GALNT13: variants seen among roughly 807,000 people sequenced by gnomAD.
GALNT13 encodes UDP-GalNAc:polypeptide N-acetylgalactosaminyltransferase 13.
A neutral mutation model predicts 64.2 loss-of-function variants in GALNT13; 28 were observed. The observed-to-expected ratio is 0.44, with a 90% CI of 0.32 to 0.60. The LOEUF is 0.60. Among genes scored for constraint, GALNT13 ranks in the 20% least tolerant of loss-of-function variants. GALNT13 has a pLI of 0.05. For synonymous variants in GALNT13, 214 were observed against 224.6 expected, an observed-to-expected ratio of 0.95 and a Z score of 0.42; for missense variants, 577 against 669.8, an observed-to-expected ratio of 0.86 and a Z score of 1.53.
chr2:153,118,756 A>T, the GALNT13 span, among the ~76,000 whole-genome samples: 1 of 152,234 alleles, frequency 6.6e-6, no homozygotes, highest in Non-Finnish European at 1.5e-5. Context: ...ATATTAACTC[A>T]TGTAAATTTT....
intron 3 of GALNT13, among the ~76,000 whole-genome samples, chr2:153,967,475 C>A (rs188381549): frequency 2.0e-4 from 30 of 152,318 alleles, no homozygotes; most frequent in East Asian, 9.7e-4. Context: ...CCCAGGAACA[C>A]TGTGGCTCTT....
chr2:153,423,499 A>G, the GALNT13 span: 1 of 152,020 alleles, frequency 6.6e-6, no homozygotes, highest in East Asian at 1.9e-4. Flanking sequence ...GTTCCTGCTA[A>G]ATGGAGAAGG....
chr2:153,598,486 C>T, the GALNT13 span, among the ~76,000 whole-genome samples: 16 of 152,060 alleles, frequency 1.1e-4, no homozygotes, highest in Admixed American at 1.1e-3. Flanking sequence ...TATTTTTTCT[C>T]ATTGCACTTT....
chr2:154,445,801 GACTT>G, intron 12 of GALNT13: 2 of 1,288,094 alleles, frequency 1.6e-6, no homozygotes, highest in Non-Finnish European at 2.0e-6. Flanking sequence ...TGAATCAACA[GACTT>G]ACTTAGTGTC....
At chr2:153,414,478 AT>A in the GALNT13 span, among the ~76,000 whole-genome samples, 565 of 138,114 alleles carry the variant, frequency 4.1e-3, no homozygotes, top group East Asian at 4.8e-3. Context: ...GGATAAAAAG[AT>A]TTTTTTTTTT....
the GALNT13 span, among the ~76,000 whole-genome samples, chr2:153,613,946 G>A: frequency 6.6e-6 from 1 of 151,928 alleles, no homozygotes; most frequent in Non-Finnish European, 1.5e-5. Flanking sequence ...CACCAACATG[G>A]CACACGTATA....
chr2:153,786,952 A>G, the GALNT13 span, among the ~76,000 whole-genome samples: 1 of 152,134 alleles, frequency 6.6e-6, no homozygotes, highest in African/African-American at 2.4e-5. Context: ...TCGGGTCCAC[A>G]GCACAGGACC....
chr2:153,611,518 G>A, the GALNT13 span, among the ~76,000 whole-genome samples: 1 of 151,728 alleles, frequency 6.6e-6, no homozygotes, highest in Non-Finnish European at 1.5e-5. Flanking sequence ...ACAGGCACCT[G>A]CCACCACGCC....
the GALNT13 span, among the ~76,000 whole-genome samples, chr2:153,545,765 C>T: frequency 6.6e-6 from 1 of 152,180 alleles, no homozygotes; most frequent in Non-Finnish European, 1.5e-5. Flanking sequence ...TCTGTCCCAA[C>T]TCTGGTCTGG....
the GALNT13 span, among the ~76,000 whole-genome samples, chr2:153,119,832 CT>C: frequency 6.6e-6 from 1 of 152,210 alleles, no homozygotes; most frequent in Non-Finnish European, 1.5e-5. Context: ...AGAGTTTAAG[CT>C]TCAGTTGTGA....
intron 2 of GALNT13, among the ~76,000 whole-genome samples, chr2:153,905,380 T>A (rs1287417909): frequency 1.3e-5 from 2 of 152,136 alleles, no homozygotes; most frequent in East Asian, 3.9e-4. Flanking sequence ...TATGGTTTTT[T>A]CTATATATAC....
At chr2:153,561,641 C>CTGTGTGTGTGTGTGTGTGTGTG in the GALNT13 span, among the ~76,000 whole-genome samples, 219 of 146,570 alleles carry the variant, frequency 1.5e-3, 1 homozygote, top group African/African-American at 4.7e-3. Context: ...GATGTTCAAC[C>CTGTGTGTGTGTGTGTGTGTGTG]TGTGTGTGTG....
the GALNT13 span, among the ~76,000 whole-genome samples, chr2:153,409,307 T>C: frequency 8.3e-3 from 1,059 of 127,592 alleles, 6 homozygotes; most frequent in Non-Finnish European, 0.013. Context: ...TGTATATATA[T>C]ATATGAATAT....
the GALNT13 span, among the ~76,000 whole-genome samples, chr2:153,665,621 G>A: frequency 1.3e-4 from 20 of 152,048 alleles, no homozygotes; most frequent in African/African-American, 4.4e-4. Context: ...ATAAAAAGGG[G>A]GTGAACAAAT....
chr2:153,495,133 A>G, the GALNT13 span, among the ~76,000 whole-genome samples: 18 of 152,152 alleles, frequency 1.2e-4, no homozygotes, highest in African/African-American at 4.1e-4. Context: ...ACTAAAACTA[A>G]AAAGAATATA....
the GALNT13 span, among the ~76,000 whole-genome samples, chr2:153,765,246 G>A: frequency 3.9e-5 from 6 of 152,216 alleles, no homozygotes; most frequent in Admixed American, 1.3e-4. Context: ...GACAACGCCA[G>A]CCTGTGAAAG....
At chr2:153,984,206 G>A (rs1694649364) in intron 3 of GALNT13, among the ~76,000 whole-genome samples, 1 of 151,486 alleles carries the variant, frequency 6.6e-6, no homozygotes, top group South Asian at 2.1e-4. Context: ...ACATTTATTT[G>A]GAATTTGAAA....
chr2:153,731,662 T>C, the GALNT13 span, among the ~76,000 whole-genome samples: 1 of 152,036 alleles, frequency 6.6e-6, no homozygotes, highest in Admixed American at 6.6e-5. Context: ...GTTGATTAAA[T>C]ATACTTTTTA....
intron 3 of GALNT13, among the ~76,000 whole-genome samples, chr2:154,095,952 C>T (rs577524239): frequency 1.2e-4 from 19 of 152,066 alleles, no homozygotes; most frequent in African/African-American, 4.6e-4. Context: ...ATCTATAAAA[C>T]ATGGTCTTGT....
Sources: gnomAD v4.1 joint callset for allele counts (sites outside exome capture counted in the v4.1 genomes callset) on GRCh38, gnomAD v4.1.1 for gene constraint, MANE v1.5 for transcripts, NCBI Gene and HGNC (gene_info 2026-07-23, HGNC 2026-07-21) for gene names.